The following TECRL variants were observed in gnomAD, a reference collection of about 807,000 sequenced individuals.
TECRL encodes trans-2,3-enoyl-CoA reductase-like.
Under a neutral mutation model 52.8 loss-of-function variants are expected in TECRL, and 63 were observed. The ratio of observed to expected loss-of-function variants is 1.19; its 90% CI spans 0.97 to 1.47. TECRL has a LOEUF of 1.47. TECRL is among the 40% of genes most tolerant of loss of function. The pLI is 0.00. For synonymous variants in TECRL, 164 were observed against 141.9 expected (o/e 1.16, Z -1.10); for missense variants, 482 against 429.6 (o/e 1.12, Z -1.08).
intron 1 of TECRL, among the ~76,000 whole-genome samples, chr4:64,404,741 T>C (rs1724594490): frequency 1.3e-5 from 2 of 152,076 alleles, no homozygotes; most frequent in Admixed American, 1.3e-4. Flanking sequence ...TGGGGAGAAT[T>C]TGAGCAGTAG....
intron 1 of TECRL, among the ~76,000 whole-genome samples, chr4:64,406,666 A>G (rs190278273): frequency 2.0e-5 from 3 of 152,028 alleles, no homozygotes; most frequent in Non-Finnish European, 4.4e-5. Context: ...TTATTAACCC[A>G]TATTCTAAAT....
At chr4:64,350,230 A>G (rs139507929) in intron 2 of TECRL, among the ~76,000 whole-genome samples, 2,465 of 152,334 alleles carry the variant, frequency 0.016, 41 homozygotes, top group South Asian at 0.041. Flanking sequence ...TATTTTCTCA[A>G]CAAGAGAAAT....
intron 7 of TECRL, among the ~76,000 whole-genome samples, chr4:64,304,036 G>A (rs1315630231): frequency 6.6e-6 from 1 of 151,512 alleles, no homozygotes; most frequent in Non-Finnish European, 1.5e-5. Context: ...AAAATAAATA[G>A]CATATTTACA....
intron 2 of TECRL, among the ~76,000 whole-genome samples, chr4:64,334,384 A>G (rs922800371): frequency 1.3e-5 from 2 of 152,204 alleles, no homozygotes; most frequent in Non-Finnish European, 2.9e-5. Context: ...AATGCTACCT[A>G]CATAATTAAG....
At chr4:64,363,456 C>A (rs926752686) in intron 2 of TECRL, among the ~76,000 whole-genome samples, 6 of 152,224 alleles carry the variant, frequency 3.9e-5, no homozygotes, top group African/African-American at 1.4e-4. Context: ...AGTTTTGCCA[C>A]GAGAGTACAC....
At chr4:64,306,180 G>A (rs1235316001) in intron 6 of TECRL, among the ~76,000 whole-genome samples, 1 of 152,164 alleles carries the variant, frequency 6.6e-6, no homozygotes, top group African/African-American at 2.4e-5. Context: ...AGTCAGTTAA[G>A]AGTGAATAGC....
chr4:64,296,918 T>C (rs1335025106), intron 8 of TECRL, among the ~76,000 whole-genome samples: 1 of 151,640 alleles, frequency 6.6e-6, no homozygotes, highest in African/African-American at 2.4e-5. Context: ...TTGATTCTCC[T>C]TAATTTTTCC....
At chr4:64,281,259 T>C (rs945175303) in intron 10 of TECRL, among the ~76,000 whole-genome samples, 173 bp from the exon 11 acceptor site, 3 of 151,884 alleles carry the variant, frequency 2.0e-5, no homozygotes, top group African/African-American at 7.2e-5. Context: ...AGCAATCTCA[T>C]TAAATGGGAT....
intron 2 of TECRL, among the ~76,000 whole-genome samples, chr4:64,359,725 C>A (rs1176935161): frequency 1.3e-5 from 2 of 152,010 alleles, no homozygotes; most frequent in Non-Finnish European, 2.9e-5. Context: ...CAAAATGGCT[C>A]TCCCTTAATA....
At chr4:64,326,547 G>T (rs1246957820) in intron 3 of TECRL, among the ~76,000 whole-genome samples, 1 of 152,016 alleles carries the variant, frequency 6.6e-6, no homozygotes, top group South Asian at 2.1e-4. Flanking sequence ...TAGTACCTCT[G>T]CTCATTTTTA....
In TECRL at chr4:64,338,679, A is replaced by G. The variant is rs182718484; in HGVS notation, c.287-10123T>C. The stretch of plus-strand genomic sequence containing the variant: ...TTTATGCATTCAACAGACACATGAT[A>G]AAATGTTCATCATCACTGACCATCA... On this transcript the variant is annotated intron_variant, in intron 2 of 11. Coordinates refer to ENST00000381210, the MANE Select transcript of TECRL (RefSeq NM_001010874.5). Among the ~76,000 whole-genome samples, 788 of 152,376 alleles carry G rather than the reference A, an allele frequency of 5.2e-3. 3 individuals carry two copies. The highest frequency in any genetic ancestry group is 0.01 in the Middle Eastern group (3 of 294).
At chr4:64,305,000 C>G in intron 7 of TECRL, 166 bp downstream of exon 7, 1 of 446,684 alleles carries the variant, frequency 2.2e-6, no homozygotes. Flanking sequence ...ATATATGAGT[C>G]AAATTGGTCT....
Position 64,409,178 on chromosome 4 carries a change from AGTC to A in TECRL, c.171_173del (p.Thr58del), listed in dbSNP as rs759001143. On this transcript the variant is annotated inframe_deletion, in exon 1 of 12. Transcript: ENST00000381210. Reference sequence around the variant, plus strand: ...CATCAAATATTTCAATCTCAAAGTGAGTCGTTTTTGAATGTTTGACTGCTGGAG... The same window carrying A: ...CATCAAATATTTCAATCTCAAAGTGAGTTTTTGAATGTTTGACTGCTGGAG... The A allele has an allele frequency of 6.8e-6, 11 of 1,613,636 alleles. No homozygotes were observed. In the East Asian group the frequency reaches 2.5e-4, roughly 36 times the overall value.
At chr4:64,389,144 A>G (rs1206391007) in intron 1 of TECRL, among the ~76,000 whole-genome samples, 3 of 151,908 alleles carry the variant, frequency 2.0e-5, no homozygotes, top group African/African-American at 7.2e-5. Context: ...TAGAACTTCC[A>G]GTAAGATGCC....
intron 2 of TECRL, among the ~76,000 whole-genome samples, chr4:64,342,932 A>C (rs2109537081): frequency 6.6e-6 from 1 of 152,276 alleles, no homozygotes; most frequent in East Asian, 1.9e-4. Flanking sequence ...CAAGGTTATA[A>C]AAACATAAAG....
intron 2 of TECRL, among the ~76,000 whole-genome samples, chr4:64,352,052 A>G (rs769407967): frequency 1.3e-5 from 2 of 152,242 alleles, no homozygotes; most frequent in Non-Finnish European, 2.9e-5. Context: ...TCCAATTCTT[A>G]AGTTAAAACT....
At chr4:64,368,003 T>A (rs1225309042) in intron 2 of TECRL, among the ~76,000 whole-genome samples, 2 of 152,026 alleles carry the variant, frequency 1.3e-5, no homozygotes, top group Admixed American at 1.3e-4. Flanking sequence ...TTTATTAACC[T>A]GGTAGTGTTA....
intron 2 of TECRL, among the ~76,000 whole-genome samples, chr4:64,333,588 C>A (rs1030222342): frequency 2.6e-5 from 4 of 152,154 alleles, no homozygotes; most frequent in Middle Eastern, 3.4e-3. Flanking sequence ...AAAATATATA[C>A]AACCATAATG....
chr4:64,288,886 A>G (rs532525996), intron 9 of TECRL, among the ~76,000 whole-genome samples: 1 of 152,128 alleles, frequency 6.6e-6, no homozygotes, highest in African/African-American at 2.4e-5. Context: ...CACACAACCA[A>G]TTCTTTAAAA....
Sources: allele counts gnomAD v4.1 joint callset (sites outside exome capture counted in the v4.1 genomes callset), GRCh38; gene constraint gnomAD v4.1.1; transcripts MANE v1.5; gene names NCBI Gene and HGNC (gene_info 2026-07-23, HGNC 2026-07-21).